MCAM: variants seen among roughly 807,000 people sequenced by gnomAD.
MCAM encodes melanoma cell adhesion molecule.
Under a neutral mutation model 79.1 loss-of-function variants are expected in MCAM, and 55 were observed. The observed-to-expected ratio is 0.70, with a 90% confidence interval of 0.56 to 0.87. The LOEUF is 0.87. Among genes scored for constraint, MCAM ranks in the 40% least tolerant of loss-of-function variants. The pLI is 0.00. For synonymous variants in MCAM, 330 were observed against 339.8 expected (o/e 0.97, Z 0.32); for missense variants, 745 against 839.8 (o/e 0.89, Z 1.40).
Position 119,310,479 on chromosome 11 carries a change from A to AG in MCAM, c.1794-14dup. 1 of 1,541,846 alleles carries AG rather than the reference A, an allele frequency of 6.5e-7. No homozygotes were observed. Among genetic ancestry groups the AG allele is most frequent in the East Asian group, 2.2e-5 (1 of 44,548 alleles). ...CGGGGGTAGCGTGCTGGGAGGAGGG[A>AG]GGGAGGTGAGAGGTTGGTATCTCAG... On this transcript the variant is annotated splice_polypyrimidine_tract_variant and intron_variant, in intron 14 of 15. Coordinates refer to ENST00000264036, the MANE Select transcript of MCAM (RefSeq NM_006500.3).
chr11:119,314,209 G>T, intron 5 of MCAM: 1 of 476,428 alleles, frequency 2.1e-6, no homozygotes, highest in South Asian at 2.3e-5. Context: ...AGGCCGGAGT[G>T]TGGTGGTGCA....
rs1248338973 is a variant in MCAM, at chr11:119,315,792, C to A, written c.68-529G>T. On this transcript the variant is annotated intron_variant, in intron 1 of 15. Transcript: ENST00000264036. The surrounding 1 kb of genome is among the most constrained non-coding windows in gnomAD (Gnocchi z 4.4). Reference sequence around the variant, plus strand: ...CTCAGCAGCACCTCCATGAACACTCCGCACACACCCGCGGACCCCACCCTA... The same window carrying A: ...CTCAGCAGCACCTCCATGAACACTCAGCACACACCCGCGGACCCCACCCTA... 1.2e-5 allele frequency: 2 copies of A among 164,670 alleles called. No homozygotes were observed. The highest frequency in any genetic ancestry group is 4.8e-5 in the African/African-American group (2 of 41,890). 10.2% of individuals were successfully genotyped at this position (164,670 alleles called of 1,614,324 possible).
rs1284710844 is a variant in MCAM at position 119,310,403 on chromosome 11, T to C, written c.1857A>G (p.Glu619=). ...VVEVKSDKLP[E]EMGLLQGSSG... ...TGCTGCCCTGCAGGAGGCCCATCTC[T>C]TCTGGGAGCTTATCTGACTTAACTT... is the stretch of plus-strand genomic sequence containing the variant. Residue 619 remains glutamate, a synonymous_variant, in exon 15 of 16, where the codon GAA becomes GAG. Transcript: ENST00000264036. The C allele has an allele frequency of 1.5e-5, 24 of 1,613,992 alleles. No homozygotes were observed. Among genetic ancestry groups the C allele is most frequent in the Non-Finnish European group, 1.9e-5 (23 of 1,179,996 alleles).
At chr11:119,310,930 C>T (rs199992796) in intron 13 of MCAM, 27 bp from the exon 14 acceptor site, 10 of 1,614,020 alleles carry the variant, frequency 6.2e-6, no homozygotes, top group Non-Finnish European at 8.5e-6. Flanking sequence ...CTCCTCGTCA[C>T]TCCCTGCCCC....
Position 119,316,066 on chromosome 11 carries a change from A to C in MCAM, c.68-803T>G, listed in dbSNP as rs1950307878. The stretch of plus-strand genomic sequence containing the variant: ...ACCCCTGACTCCTCCCAGAGCTAGA[A>C]GAGCAGGGCAGGGTGGAGCTGGACC... On this transcript the variant is annotated intron_variant, in intron 1 of 15. Transcript: ENST00000264036. This position sits in a 1 kb window ranked among gnomAD's most constrained non-coding sequence, Gnocchi z 4.8. The C allele has an allele frequency of 6.6e-6, 1 of 152,510 alleles. No individual in the cohort carries two copies. Among genetic ancestry groups the C allele is most frequent in the Non-Finnish European group, 1.5e-5 (1 of 68,250 alleles). 9.4% of individuals were successfully genotyped at this position (152,510 alleles called of 1,614,324 possible).
At position 119,316,887 on chromosome 11, in the gene MCAM, G is replaced by C. The variant is rs376606373; in HGVS notation, c.67+148C>G. The C allele has an allele frequency of 3.2e-6, 2 of 622,640 alleles. No individual in the cohort carries two copies. Among genetic ancestry groups the C allele is most frequent in the South Asian group, 4.1e-5 (2 of 48,306 alleles). The allele number at this position is 622,640 out of a possible 1,614,324, so 38.6% of individuals were successfully genotyped here. Reference sequence around the variant, plus strand: ...GGCTGCAAAGAAGAGTTGCTCGCGCGCAAGGCGCCCGGGGATCGGGGACCC... The same window carrying C: ...GGCTGCAAAGAAGAGTTGCTCGCGCCCAAGGCGCCCGGGGATCGGGGACCC... On this transcript the variant is annotated intron_variant, in intron 1 of 15. Transcript: ENST00000264036. This position sits in a 1 kb window ranked among gnomAD's most constrained non-coding sequence, Gnocchi z 4.8.
chr11:119,313,973 G>A, intron 5 of MCAM: 3 of 968,154 alleles, frequency 3.1e-6, no homozygotes, highest in Non-Finnish European at 3.7e-6. Context: ...CATAGAAATA[G>A]GCTTGAAAGA....
chr11:119,314,523 G>C lies in MCAM; in HGVS notation c.525C>G (p.Tyr175Ter). The C allele has an allele frequency of 6.2e-7, 1 of 1,613,792 alleles. No homozygotes were observed. Among genetic ancestry groups the C allele is most frequent in the Non-Finnish European group, 8.5e-7 (1 of 1,179,970 alleles). Residue 175 changes from tyrosine (Y) to a stop codon, truncating the protein, a stop_gained, in exon 5 of 16, where the codon TAC becomes TAG. Transcript: ENST00000264036. LOFTEE classifies it high-confidence loss of function. Reference sequence around the variant, plus strand: ...CCTCCTTCAGAGGCCGGCCATTCTTGTACCAGATGACTTGAGGAATGGGGT... The same window carrying C: ...CCTCCTTCAGAGGCCGGCCATTCTTCTACCAGATGACTTGAGGAATGGGGT... The part of the protein sequence containing the change: ...NGYPIPQVIW[Y>*]KNGRPLKEEK...
Position 119,316,962 on chromosome 11 carries a change from G to T in MCAM, c.67+73C>A, listed in dbSNP as rs555228975. 1.4e-5 allele frequency: 19 copies of T among 1,337,184 alleles called. No homozygotes were observed. The Admixed American group carries it at 1.8e-4, about 12-fold the overall frequency. The allele number at this position is 1,337,184 out of a possible 1,614,324, so 82.8% of individuals were successfully genotyped here. Reference sequence around the variant, plus strand: ...CGCAACGCCCCGACCCCGCCGCGCCGCTGGCTCTGCTCCCTGGCACGCTCC... The same window carrying T: ...CGCAACGCCCCGACCCCGCCGCGCCTCTGGCTCTGCTCCCTGGCACGCTCC... On this transcript the variant is annotated intron_variant, in intron 1 of 15. Coordinates refer to ENST00000264036, the MANE Select transcript of MCAM (RefSeq NM_006500.3). This position sits in a 1 kb window ranked among gnomAD's most constrained non-coding sequence, Gnocchi z 4.8.
Position 119,312,085 on chromosome 11 carries a change from G to T in MCAM, c.1110C>A (p.Ser370Arg). The change falls in exon 9 of 16, where the codon AGC (serine) becomes AGA (arginine). Residue 370 changes from serine to arginine, a missense_variant. Physicochemically the swap from Ser to Arg is moderately radical, Grantham distance 110 (BLOSUM62 -1). Coordinates refer to ENST00000264036, the MANE Select transcript of MCAM (RefSeq NM_006500.3). This position sits in a 1 kb window ranked among gnomAD's most constrained non-coding sequence, Gnocchi z 4.9. ...TCAGCCACTGGAACTCGAGGTCCTG[G>T]CTACTCTCTGCCTCACAGGTCAGGG... ...SLTLTCEAES[S>R]QDLEFQWLRE... 6.2e-7 allele frequency: 1 copy of T among 1,613,352 alleles called. No individual in the cohort carries two copies. Among genetic ancestry groups the T allele is most frequent in the South Asian group, 1.1e-5 (1 of 90,954 alleles).
rs1481502664 is a variant in MCAM at position 119,315,435 on chromosome 11, T to C, written c.68-172A>G. 5 of 751,260 alleles carry C rather than the reference T, an allele frequency of 6.7e-6. No individual in the cohort carries two copies. Among genetic ancestry groups the C allele is most frequent in the Non-Finnish European group, 1.1e-5 (5 of 474,726 alleles). The allele number at this position is 751,260 out of a possible 1,614,324, so 46.5% of individuals were successfully genotyped here. A position where few individuals can be genotyped will look rare whatever the true frequency, so the allele number is the denominator to read the frequency against. ...ACCCGCGCCCCACCTGGGCCAGCCC[T>C]CTCCCCGTCCAGGAGATCCCAGGTC... On this transcript the variant is annotated intron_variant, in intron 1 of 15. Transcript: ENST00000264036. This position sits in a 1 kb window ranked among gnomAD's most constrained non-coding sequence, Gnocchi z 4.4.
At chr11:119,313,777 C>G (rs1046593089) in intron 5 of MCAM, 3 of 184,794 alleles carry the variant, frequency 1.6e-5, no homozygotes, top group African/African-American at 2.4e-5. Context: ...CATCCTTGGT[C>G]TCTCTACCTA....
chr11:119,311,103 G>A lies in MCAM; in HGVS notation c.1632C>T (p.Asn544=), dbSNP rs1461817405. The A allele has an allele frequency of 3.7e-6, 6 of 1,614,260 alleles. No homozygotes were observed. Among genetic ancestry groups the A allele is most frequent in the Non-Finnish European group, 5.1e-6 (6 of 1,180,036 alleles). ...TSTASPHTRA[N]STSTERKLPE... ...GGCCTGGCTTACCTGTGGAGGTGCT[G>A]TTGGCTCTGGTATGAGGACTGGCAG... is the stretch of plus-strand genomic sequence containing the variant. Residue 544 remains asparagine, a synonymous_variant, in exon 13 of 16, where the codon AAC becomes AAT. Coordinates refer to ENST00000264036, the MANE Select transcript of MCAM (RefSeq NM_006500.3). The surrounding 1 kb of genome is among the most constrained non-coding windows in gnomAD (Gnocchi z 4.4).
chr11:119,314,868 C>T lies in MCAM; in HGVS notation c.365G>A (p.Arg122Gln), dbSNP rs1385230404. ...GAGCTGGATGCGGTACTCCTGGGAC[C>T]GAGGGCGCTTGCCCTGGCACAAGAA... ...RIFLCQGKRP[R>Q]SQEYRIQLRV... is the part of the protein sequence containing the mutation. The change falls in exon 3 of 16, where the codon CGG becomes CAG. Residue 122 changes from arginine (R) to glutamine (Q), a missense_variant. By Grantham distance (43) the Arg-to-Gln change is conservative. Coordinates refer to ENST00000264036, the MANE Select transcript of MCAM (RefSeq NM_006500.3). 1 of 1,613,592 alleles carries T rather than the reference C, an allele frequency of 6.2e-7. No homozygotes were observed. Among genetic ancestry groups the T allele is most frequent in the Non-Finnish European group, 8.5e-7 (1 of 1,180,038 alleles).
chr11:119,312,200 G>A lies in MCAM; in HGVS notation c.1025-30C>T. On this transcript the variant is annotated intron_variant, in intron 8 of 15. Transcript: ENST00000264036. This position sits in a 1 kb window ranked among gnomAD's most constrained non-coding sequence, Gnocchi z 4.9. Reference sequence around the variant, plus strand: ...GGGTACAGCAATCATGTCACCCAGGGCAGGGTGGGGCCAGTTCCCTATTGC... The same window carrying A: ...GGGTACAGCAATCATGTCACCCAGGACAGGGTGGGGCCAGTTCCCTATTGC... 1.2e-6 allele frequency: 2 copies of A among 1,610,378 alleles called. No homozygotes were observed. Among genetic ancestry groups the A allele is most frequent in the Non-Finnish European group, 1.7e-6 (2 of 1,177,530 alleles).
chr11:119,309,677 AGATGG>A lies in MCAM; in HGVS notation c.*204_*208del. On this transcript the variant is annotated 3_prime_UTR_variant, in exon 16 of 16. Coordinates refer to ENST00000264036, the MANE Select transcript of MCAM (RefSeq NM_006500.3). ...GGATGAGCTTCACTCAACGTGGAGG[AGATGG>A]TGGTGGACTGGTCCCTGAAAAGCGG... The A allele has an allele frequency of 1.8e-6, 1 of 543,090 alleles. No homozygotes were observed. Among genetic ancestry groups the A allele is most frequent in the Non-Finnish European group, 3.3e-6 (1 of 303,258 alleles). The allele number at this position is 543,090 out of a possible 1,614,324, so 33.6% of individuals were successfully genotyped here.
intron 5 of MCAM, 33 bp downstream of exon 5, chr11:119,314,456 C>T: frequency 6.3e-7 from 1 of 1,592,702 alleles, no homozygotes; most frequent in Non-Finnish European, 8.6e-7. Flanking sequence ...ACACCTGGCC[C>T]AAGGGTGGCT....
chr11:119,309,442 T>G lies in MCAM; in HGVS notation c.*444A>C. On this transcript the variant is annotated 3_prime_UTR_variant, in exon 16 of 16. Coordinates refer to ENST00000264036, the MANE Select transcript of MCAM (RefSeq NM_006500.3). ...CGGGTGTGAACAGCGCACTTCAACA[T>G]GAGCAGGCGCCTGGCTCCGGTGTGT... 5.2e-6 allele frequency: 1 copy of G among 193,366 alleles called. No homozygotes were observed. Among genetic ancestry groups the G allele is most frequent in the South Asian group, 1.0e-4 (1 of 9,524 alleles). The allele number at this position is 193,366 out of a possible 1,614,324, so 12.0% of individuals were successfully genotyped here. A position where few individuals can be genotyped will look rare whatever the true frequency, so the allele number is the denominator to read the frequency against.
At position 119,312,180 on chromosome 11, in the gene MCAM, C is replaced by G. The variant is rs766241282; in HGVS notation, c.1025-10G>C. On this transcript the variant is annotated splice_polypyrimidine_tract_variant and intron_variant, in intron 8 of 15. Coordinates refer to ENST00000264036, the MANE Select transcript of MCAM (RefSeq NM_006500.3). This position sits in a 1 kb window ranked among gnomAD's most constrained non-coding sequence, Gnocchi z 4.9. ...CGGACGTCAGACACATCTGGGGGTA[C>G]AGCAATCATGTCACCCAGGGCAGGG... is the stretch of plus-strand genomic sequence containing the variant. The G allele has an allele frequency of 3.7e-6, 6 of 1,611,070 alleles. No individual in the cohort carries two copies. Among genetic ancestry groups the G allele is most frequent in the South Asian group, 3.3e-5 (3 of 90,626 alleles).
Sources: allele counts gnomAD v4.1 joint callset, GRCh38; gene constraint gnomAD v4.1.1; non-coding constraint Gnocchi (gnomAD v3.1); transcripts MANE v1.5; gene names NCBI Gene and HGNC (gene_info 2026-07-23, HGNC 2026-07-21).